Variants in KRR1 observed in about 807,000 individuals in gnomAD.
The protein encoded by KRR1 is KRR1 small subunit processome component.
KRR1 carries 23 observed loss-of-function variants against 50.0 expected under a neutral mutation model. The observed-to-expected ratio is 0.46, with a 90% CI of 0.33 to 0.65. KRR1 has a LOEUF of 0.65. Among genes scored for constraint, KRR1 ranks in the 30% least tolerant of loss-of-function variants. The pLI is 0.02. For synonymous variants in KRR1, 133 were observed against 146.3 expected (o/e 0.91, Z 0.66); for missense variants, 419 against 442.4 (o/e 0.95, Z 0.47).
chr12:75,499,166 A>T lies in KRR1; in HGVS notation c.*643T>A. 2 of 429,614 alleles carry T rather than the reference A, an allele frequency of 4.7e-6. No homozygotes were observed. The highest frequency in any genetic ancestry group is 9.5e-5 in the South Asian group (2 of 20,994). 26.6% of individuals were successfully genotyped at this position (429,614 alleles called of 1,614,324 possible). ...GATAAACTCATCTTTAGTATAAATA[A>T]GCATTATTTGCAGGTTGCCACAGGT... On this transcript the variant is annotated 3_prime_UTR_variant, in exon 10 of 10. Coordinates refer to ENST00000229214, the MANE Select transcript of KRR1 (RefSeq NM_007043.7).
In KRR1 at chr12:75,499,812, C is replaced by T; in HGVS notation, c.1143G>A (p.Lys381=). The T allele has an allele frequency of 1.3e-6, 2 of 1,595,218 alleles. No individual in the cohort carries two copies. Among genetic ancestry groups the T allele is most frequent in the South Asian group, 1.1e-5 (1 of 87,796 alleles). The part of the protein sequence containing the change: ...EADEKKKKKK[K] ...TAGTCAAGGAGTTTTGGGTATGTTA[C>T]TTTTTTTTCTTCTTTTTCTTTTCAT... Residue 381 remains lysine, a synonymous_variant, in exon 10 of 10, where the codon AAG becomes AAA. Transcript: ENST00000229214.
intron 5 of KRR1, 63 bp downstream of exon 5, chr12:75,506,253 A>G (rs566606906): frequency 9.9e-7 from 1 of 1,007,748 alleles, no homozygotes; most frequent in South Asian, 1.5e-5. Flanking sequence ...CCAATAAACT[A>G]TATTATAACC....
chr12:75,508,110 G>C (rs1433543956), intron 2 of KRR1, among the ~76,000 whole-genome samples, 164 bp downstream of exon 2: 1 of 150,940 alleles, frequency 6.6e-6, no homozygotes, highest in Non-Finnish European at 1.5e-5. Flanking sequence ...TGAACATTAG[G>C]TAAGAAGAAA....
rs368416212 is a variant in KRR1, at chr12:75,495,538, C to T, written c.*4271G>A. ...ATAGTAAATTGCAATTTTAAAAAAC[C>T]GAAAAACTTCTAATGGACATCCTTC... is the stretch of plus-strand genomic sequence containing the variant. On this transcript the variant is annotated 3_prime_UTR_variant, in exon 10 of 10. Transcript: ENST00000229214. The T allele has an allele frequency of 1.1e-5, 13 of 1,216,468 alleles. No homozygotes were observed. In the East Asian group the frequency reaches 1.4e-4, roughly 13 times the overall value. 75.4% of individuals were successfully genotyped at this position (1,216,468 alleles called of 1,614,324 possible).
chr12:75,498,910 C>T lies in KRR1; in HGVS notation c.*899G>A, dbSNP rs1566101634. The T allele has an allele frequency of 3.1e-6, 5 of 1,600,430 alleles. No homozygotes were observed. Among genetic ancestry groups the T allele is most frequent in the Non-Finnish European group, 3.4e-6 (4 of 1,168,066 alleles). ...CTTTCTCATTGTTAATTCAGTAATT[C>T]TAATACTGTCTGTTATAATTACCAT... On this transcript the variant is annotated 3_prime_UTR_variant, in exon 10 of 10. Coordinates refer to ENST00000229214, the MANE Select transcript of KRR1 (RefSeq NM_007043.7).
At chr12:75,509,029 C>T (rs1180737700) in intron 1 of KRR1, among the ~76,000 whole-genome samples, 1 of 152,084 alleles carries the variant, frequency 6.6e-6, no homozygotes, top group African/African-American at 2.4e-5. Flanking sequence ...TTATTATTCT[C>T]ATTTTATAGA....
At chr12:75,509,605 T>TC (rs2046437593) in intron 1 of KRR1, among the ~76,000 whole-genome samples, 1 of 149,564 alleles carries the variant, frequency 6.7e-6, no homozygotes, top group Admixed American at 6.7e-5. Flanking sequence ...TTTTTTTTTT[T>TC]AAAGACAGGG....
At position 75,511,551 on chromosome 12, in the gene KRR1, C is replaced by CT; in HGVS notation, c.46dup (p.Ser16LysfsTer2). 6.2e-7 allele frequency: 1 copy of CT among 1,614,128 alleles called. No individual in the cohort carries two copies. Among genetic ancestry groups the CT allele is most frequent in the Non-Finnish European group, 8.5e-7 (1 of 1,179,962 alleles). Reference sequence around the variant, plus strand: ...CTTCGGCTTCTGGTTACGAAATTCACTTTTTCCAGCGCCTTTTTCTGGCCG... The same window carrying CT: ...CTTCGGCTTCTGGTTACGAAATTCACTTTTTTCCAGCGCCTTTTTCTGGCCG... On this transcript the variant is annotated frameshift_variant, in exon 1 of 10. Coordinates refer to ENST00000229214, the MANE Select transcript of KRR1 (RefSeq NM_007043.7). LOFTEE classifies it high-confidence loss of function.
chr12:75,497,894 A>G lies in KRR1; in HGVS notation c.*1915T>C, dbSNP rs2046360943. ...GAATATTGAACATTTAAAAATATAT[A>G]TAAAAAAAAATAACTAGAACATCAC... On this transcript the variant is annotated 3_prime_UTR_variant, in exon 10 of 10. Transcript: ENST00000229214. The G allele has an allele frequency of 7.9e-6, 1 of 127,118 alleles. No individual in the cohort carries two copies. Among genetic ancestry groups the G allele is most frequent in the African/African-American group, 2.6e-5 (1 of 38,206 alleles). 7.9% of individuals were successfully genotyped at this position (127,118 alleles called of 1,614,324 possible).
At chr12:75,500,032 A>G (rs2046380783) in intron 9 of KRR1, 81 bp from the exon 10 acceptor site, 1 of 1,143,640 alleles carries the variant, frequency 8.7e-7, no homozygotes, top group Non-Finnish European at 1.2e-6. Context: ...AACAAAGAAT[A>G]TATGTTTAAG....
chr12:75,492,416 AT>A lies in KRR1; in HGVS notation c.*7392del, dbSNP rs756339425. 2.0e-5 allele frequency: 3 copies of A among 152,180 alleles called. No homozygotes were observed. The highest frequency in any genetic ancestry group is 2.9e-5 in the Non-Finnish European group (2 of 68,034). 9.4% of individuals were successfully genotyped at this position (152,180 alleles called of 1,614,324 possible). A position where few individuals can be genotyped will look rare whatever the true frequency, so the allele number is the denominator to read the frequency against. On this transcript the variant is annotated 3_prime_UTR_variant, in exon 10 of 10. Coordinates refer to ENST00000229214, the MANE Select transcript of KRR1 (RefSeq NM_007043.7). ...ATTTTTAATGGTTAAGATACAATTAATTTACTGTGTGACCCTGGACAAGTTA... is the reference window on the plus strand; with the variant it reads ...ATTTTTAATGGTTAAGATACAATTAATTACTGTGTGACCCTGGACAAGTTA...
chr12:75,502,042 G>A lies in KRR1; in HGVS notation c.832-42C>T, dbSNP rs575966559. The A allele has an allele frequency of 1.0e-5, 15 of 1,503,882 alleles. No individual in the cohort carries two copies. In the South Asian group the frequency reaches 1.7e-4, roughly 17 times the overall value. The allele number at this position is 1,503,882 out of a possible 1,614,324, so 93.2% of individuals were successfully genotyped here. On this transcript the variant is annotated intron_variant, in intron 7 of 9. Coordinates refer to ENST00000229214, the MANE Select transcript of KRR1 (RefSeq NM_007043.7). ...TTACAATTACATCAGAAATAATGTAGAGGAGAAGTCATGTCCTAAGCAAGT... is the reference window on the plus strand; with the variant it reads ...TTACAATTACATCAGAAATAATGTAAAGGAGAAGTCATGTCCTAAGCAAGT...
intron 6 of KRR1, 100 bp downstream of exon 6, chr12:75,505,098 G>A: frequency 8.2e-7 from 1 of 1,222,734 alleles, no homozygotes; most frequent in Non-Finnish European, 1.1e-6. Context: ...TTATCTGTTT[G>A]TGCATTAGAA....
intron 6 of KRR1, 117 bp downstream of exon 6, chr12:75,505,081 C>T: frequency 9.2e-7 from 1 of 1,088,292 alleles, no homozygotes; most frequent in Non-Finnish European, 1.3e-6. Context: ...CCCAAAATAG[C>T]TCTGCTTTAT....
chr12:75,511,569 T>G lies in KRR1; in HGVS notation c.29A>C (p.Glu10Ala). Residue 10 changes from glutamate to alanine, a missense_variant, in exon 1 of 10, where the codon GAA becomes GCA. Glu to Ala is a moderately radical substitution (Grantham distance 107). Transcript: ENST00000229214. MASPSLERP[E>A]KGAGKSEFRN... Reference sequence around the variant, plus strand: ...AAATTCACTTTTTCCAGCGCCTTTTTCTGGCCGCTCCAGCGAGGGAGACGC... The same window carrying G: ...AAATTCACTTTTTCCAGCGCCTTTTGCTGGCCGCTCCAGCGAGGGAGACGC... 1 of 1,614,132 alleles carries G rather than the reference T, an allele frequency of 6.2e-7. No individual in the cohort carries two copies. The highest frequency in any genetic ancestry group is 8.5e-7 in the Non-Finnish European group (1 of 1,179,956).
intron 2 of KRR1, 31 bp downstream of exon 2, chr12:75,508,243 A>C: frequency 1.3e-6 from 2 of 1,527,668 alleles, no homozygotes; most frequent in Non-Finnish European, 1.8e-6. Context: ...GCAAAGTCTC[A>C]AATAAATGTA....
intron 7 of KRR1, 131 bp downstream of exon 7, chr12:75,503,773 T>C: frequency 1.3e-6 from 1 of 792,240 alleles, no homozygotes; most frequent in East Asian, 2.6e-5. Context: ...CTCAGTTTCT[T>C]ATAGCTCTGC....
chr12:75,494,702 A>G lies in KRR1; in HGVS notation c.*5107T>C, dbSNP rs968902684. On this transcript the variant is annotated 3_prime_UTR_variant, in exon 10 of 10. Transcript: ENST00000229214. ...AGTTTAGAACTTTTTCCAAAAGCAGAGTTCCAAAAAAAATTAGTGCAATGG... is the reference window on the plus strand; with the variant it reads ...AGTTTAGAACTTTTTCCAAAAGCAGGGTTCCAAAAAAAATTAGTGCAATGG... 2.0e-5 allele frequency: 3 copies of G among 152,222 alleles called. No homozygotes were observed. Among genetic ancestry groups the G allele is most frequent in the African/African-American group, 7.2e-5 (3 of 41,450 alleles). 9.4% of individuals were successfully genotyped at this position (152,222 alleles called of 1,614,324 possible).
At chr12:75,507,246 C>G (rs2046426530) in intron 2 of KRR1, among the ~76,000 whole-genome samples, 1 of 152,096 alleles carries the variant, frequency 6.6e-6, no homozygotes, top group South Asian at 2.1e-4. Flanking sequence ...AAATGTAAAG[C>G]TGTACAGCTT....
Sources: allele counts gnomAD v4.1 joint callset (sites outside exome capture counted in the v4.1 genomes callset), GRCh38; gene constraint gnomAD v4.1.1; transcripts MANE v1.5; gene names NCBI Gene and HGNC (gene_info 2026-07-23, HGNC 2026-07-21).